The following PRKG1 variants were observed in gnomAD, a reference collection of about 807,000 sequenced individuals.
The protein encoded by PRKG1 is protein kinase cGMP-dependent 1, also known as cGMP-dependent protein kinase 1.
Under a neutral mutation model 88.1 loss-of-function variants are expected in PRKG1, and 35 were observed. The observed-to-expected ratio is 0.40, with a 90% CI of 0.30 to 0.53. The LOEUF (loss-of-function observed/expected upper bound fraction) is 0.53, where lower values mean the gene tolerates loss of function less well. Ranked by LOEUF, PRKG1 falls within the 20% of genes least tolerant of loss-of-function variation. The probability of loss-of-function intolerance (pLI) is 0.59; values close to 1 mark genes in which losing one functional copy is unlikely to be tolerated. For synonymous variants in PRKG1, 303 were observed against 292.5 expected, an observed-to-expected ratio of 1.04 and a Z score of -0.37; for missense variants, 540 against 839.8, an observed-to-expected ratio of 0.64 and a Z score of 4.41.
chr10:51,396,827 G>A (rs1199527397), intron 2 of PRKG1, among the ~76,000 whole-genome samples: 1 of 152,230 alleles, frequency 6.6e-6, no homozygotes, highest in Non-Finnish European at 1.5e-5. Flanking sequence ...AGGGTATGTA[G>A]TAGGGCGGGT....
intron 2 of PRKG1, among the ~76,000 whole-genome samples, chr10:51,270,547 T>C (rs1315102234): frequency 6.6e-6 from 1 of 152,144 alleles, no homozygotes; most frequent in Non-Finnish European, 1.5e-5. Flanking sequence ...GATCATATAG[T>C]GAGTTACTCC....
At chr10:51,198,224 T>C (rs1434585561) in intron 2 of PRKG1, among the ~76,000 whole-genome samples, 3 of 152,132 alleles carry the variant, frequency 2.0e-5, no homozygotes, top group Non-Finnish European at 4.4e-5. Context: ...TAGACTCAAC[T>C]GGAGTTTGTC....
At chr10:51,582,261 C>A (rs1838059305) in intron 3 of PRKG1, among the ~76,000 whole-genome samples, 1 of 152,122 alleles carries the variant, frequency 6.6e-6, no homozygotes, top group South Asian at 2.1e-4. Context: ...GTTCTTGGGG[C>A]TCTAAAGAGA....
chr10:51,387,401 G>A (rs1383914524), intron 2 of PRKG1, among the ~76,000 whole-genome samples: 1 of 150,592 alleles, frequency 6.6e-6, no homozygotes, highest in Non-Finnish European at 1.5e-5. Flanking sequence ...TTAAAGAAGG[G>A]GCCCTGCATT....
chr10:51,650,805 C>A (rs1325163213), intron 3 of PRKG1, among the ~76,000 whole-genome samples: 1 of 152,172 alleles, frequency 6.6e-6, no homozygotes, highest in African/African-American at 2.4e-5. Flanking sequence ...TGAGATGTTA[C>A]CCCCACCCTA....
At chr10:51,727,841 C>T (rs1304682951) in intron 3 of PRKG1, among the ~76,000 whole-genome samples, 3 of 151,978 alleles carry the variant, frequency 2.0e-5, no homozygotes, top group East Asian at 1.9e-4. Context: ...AAAGAGTATT[C>T]ATTAATATGT....
Position 52,296,617 on chromosome 10 carries a change from G to A in PRKG1, c.*2717G>A, listed in dbSNP as rs1170980495. On this transcript the variant is annotated 3_prime_UTR_variant, in exon 18 of 18. Coordinates refer to ENST00000373980, the MANE Select transcript of PRKG1 (RefSeq NM_006258.4). ...AAGAACATCTGGATAAGTTAGAATA[G>A]TGCCAACTTGTTTGATTTGTTATAT... 3.3e-5 allele frequency: 5 copies of A among 152,102 alleles called. No individual in the cohort carries two copies. The highest frequency in any genetic ancestry group is 2.1e-4 in the South Asian group (1 of 4,826). The allele number at this position is 152,102 out of a possible 1,614,324, so 9.4% of individuals were successfully genotyped here.
intron 5 of PRKG1, among the ~76,000 whole-genome samples, chr10:51,911,911 G>A (rs58465854): frequency 0.012 from 1,876 of 152,270 alleles, 40 homozygotes; most frequent in African/African-American, 0.043. Flanking sequence ...AGCTTTGTTC[G>A]TTTGACAAAT....
chr10:51,502,190 A>C (rs1434470142), intron 3 of PRKG1, among the ~76,000 whole-genome samples: 1 of 152,178 alleles, frequency 6.6e-6, no homozygotes, highest in East Asian at 1.9e-4. Context: ...AGAAGTGGGC[A>C]GCCATATTCC....
chr10:51,116,986 G>T (rs1845139741), intron 1 of PRKG1, among the ~76,000 whole-genome samples: 2 of 152,120 alleles, frequency 1.3e-5, no homozygotes, highest in South Asian at 4.1e-4. Flanking sequence ...GAGGGAATGG[G>T]TAGATCTGAG....
intron 1 of PRKG1, among the ~76,000 whole-genome samples, chr10:51,050,025 T>A (rs1385433882): frequency 1.3e-5 from 2 of 152,050 alleles, no homozygotes; most frequent in Non-Finnish European, 2.9e-5. Flanking sequence ...TCAATGGAAA[T>A]TGTCTGCCAA....
At chr10:51,714,470 A>G (rs1841839550) in intron 3 of PRKG1, among the ~76,000 whole-genome samples, 1 of 152,222 alleles carries the variant, frequency 6.6e-6, no homozygotes, top group South Asian at 2.1e-4. Context: ...TAGTAGAATG[A>G]AAGAAAGATG....
intron 10 of PRKG1, 138 bp downstream of exon 10, chr10:52,251,804 C>A: frequency 1.4e-6 from 1 of 724,920 alleles, no homozygotes. Context: ...GTTCCAAATA[C>A]TTTGCGGCAG....
At chr10:51,281,876 T>G (rs1840307883) in intron 2 of PRKG1, among the ~76,000 whole-genome samples, 1 of 152,188 alleles carries the variant, frequency 6.6e-6, no homozygotes, top group African/African-American at 2.4e-5. Flanking sequence ...TCTCTGCTCA[T>G]TAGAGTCACC....
chr10:51,124,723 T>C (rs1845353912), intron 1 of PRKG1, among the ~76,000 whole-genome samples: 1 of 152,208 alleles, frequency 6.6e-6, no homozygotes, highest in African/African-American at 2.4e-5. Flanking sequence ...CTAATTGTTC[T>C]ATAATCCTTT....
rs918000534 is a variant in PRKG1 at position 51,055,444 on chromosome 10, A to C, written c.266+63800A>C. Among the ~76,000 whole-genome samples the C allele has an allele frequency of 2.0e-5, 3 of 152,190 alleles. No individual in the cohort carries two copies. The East Asian group carries it at 5.8e-4, about 29-fold the overall frequency. On this transcript the variant is annotated intron_variant, in intron 1 of 17. Coordinates refer to the PRKG1 transcript ENST00000401604. ...TTATAATCTTATAAAGCCAGAATCT[A>C]TATGGTCCAGTCTCTCAGTGCAGGG...
At chr10:51,701,635 C>T (rs1184068606) in intron 3 of PRKG1, among the ~76,000 whole-genome samples, 1 of 152,310 alleles carries the variant, frequency 6.6e-6, no homozygotes, top group East Asian at 1.9e-4. Context: ...TTTCTTCCTT[C>T]TATACCATCA....
chr10:51,891,964 A>G (rs1396400325), intron 4 of PRKG1, among the ~76,000 whole-genome samples: 2 of 152,194 alleles, frequency 1.3e-5, no homozygotes, highest in African/African-American at 4.8e-5. Context: ...GAAATTATCA[A>G]GCAAGTTTTC....
intron 3 of PRKG1, chr10:51,699,577 C>T: frequency 6.3e-7 from 1 of 1,583,536 alleles, no homozygotes; most frequent in Non-Finnish European, 8.6e-7. Context: ...CAGCCGATAG[C>T]GGATTCTTCG....
Sources: allele counts gnomAD v4.1 joint callset (sites outside exome capture counted in the v4.1 genomes callset), GRCh38; gene constraint gnomAD v4.1.1; transcripts MANE v1.5; gene names NCBI Gene and HGNC (gene_info 2026-07-23, HGNC 2026-07-21).